Variants in STOX2 observed in about 807,000 individuals in gnomAD.
STOX2 encodes the protein storkhead-box protein 2.
Under a neutral mutation model 60.9 loss-of-function variants are expected in STOX2, and 28 were observed. That is an observed-to-expected ratio of 0.46 (90% CI 0.34 to 0.63). The LOEUF is 0.63. Among genes scored for constraint, STOX2 ranks in the 30% least tolerant of loss-of-function variants. The probability of loss-of-function intolerance (pLI) is 0.01; values close to 1 mark genes in which losing one functional copy is unlikely to be tolerated. For missense variants in STOX2, 1,024 were observed against 1,187.7 expected (o/e 0.86, Z 2.03); for synonymous variants, 472 against 463.9 (o/e 1.02, Z -0.22).
At chr4:183,875,037 G>A (rs974331369) in intron 1 of STOX2, among the ~76,000 whole-genome samples, 11 of 111,692 alleles carry the variant, frequency 9.8e-5, no homozygotes, top group Middle Eastern at 4.3e-3. Flanking sequence ...CATGTTGTGG[G>A]ATAGCTTTGG....
At chr4:183,907,071 G>A in intron 1 of STOX2, 115 bp downstream of exon 1, 1 of 909,368 alleles carries the variant, frequency 1.1e-6, no homozygotes, top group Non-Finnish European at 1.6e-6. Flanking sequence ...ATAAGTTATG[G>A]GGAAAGCAGG....
intron 1 of STOX2, among the ~76,000 whole-genome samples, chr4:183,968,418 A>G (rs1342339097): frequency 6.6e-6 from 1 of 152,070 alleles, no homozygotes; most frequent in Non-Finnish European, 1.5e-5. Flanking sequence ...TTGATCAAGT[A>G]AAGTTATCTT....
chr4:183,950,625 A>G (rs960454811), intron 1 of STOX2, among the ~76,000 whole-genome samples: 1 of 152,140 alleles, frequency 6.6e-6, no homozygotes, highest in Non-Finnish European at 1.5e-5. Context: ...CACTGTACCG[A>G]GGGGCTGGAA....
In STOX2 at chr4:184,009,951, G is replaced by A. The variant is rs775027379; in HGVS notation, c.1113G>A (p.Arg371=). Residue 371 remains arginine, a synonymous_variant, in exon 3 of 4, where the codon CGG becomes CGA. Coordinates refer to ENST00000308497, the MANE Select transcript of STOX2 (RefSeq NM_020225.3). The surrounding 1 kb of genome is among the most constrained non-coding windows in gnomAD (Gnocchi z 4.0). ...ATCGGAAGTCCCATGGAAAGTCTCG[G>A]TCTCACAGCAAGACACGGGTGTCTA... is the stretch of plus-strand genomic sequence containing the variant. ...RTHRKSHGKS[R]SHSKTRVSKG... 1 of 1,613,710 alleles carries A rather than the reference G, an allele frequency of 6.2e-7. No homozygotes were observed. Among genetic ancestry groups the A allele is most frequent in the African/African-American group, 1.3e-5 (1 of 75,032 alleles).
At chr4:183,971,979 T>TCA (rs1359853887) in intron 1 of STOX2, among the ~76,000 whole-genome samples, 1 of 152,176 alleles carries the variant, frequency 6.6e-6, no homozygotes, top group African/African-American at 2.4e-5. Context: ...ATCCAGTAGG[T>TCA]CACACTGGTG....
chr4:183,929,625 T>G (rs1290852192), intron 1 of STOX2, among the ~76,000 whole-genome samples: 1 of 152,092 alleles, frequency 6.6e-6, no homozygotes, highest in African/African-American at 2.4e-5. Context: ...TAAAACCAAA[T>G]GAACAAAGAG....
intron 1 of STOX2, among the ~76,000 whole-genome samples, chr4:183,845,724 T>G (rs2111135502): frequency 6.6e-6 from 1 of 152,358 alleles, no homozygotes; most frequent in Non-Finnish European, 1.5e-5. Context: ...AGATTTACAG[T>G]TCTCCTCTGC....
At chr4:183,810,712 A>G (rs2111100249) in intron 1 of STOX2, among the ~76,000 whole-genome samples, 1 of 151,838 alleles carries the variant, frequency 6.6e-6, no homozygotes, top group South Asian at 2.1e-4. Flanking sequence ...AATTGCCTGC[A>G]CCCTCACCCC....
intron 1 of STOX2, among the ~76,000 whole-genome samples, chr4:183,842,554 A>G (rs1739886366): frequency 6.6e-6 from 1 of 152,220 alleles, no homozygotes. Context: ...CTGTAATTTT[A>G]TATATTTAAT....
chr4:183,859,983 G>GTT (rs1740393565), intron 1 of STOX2, among the ~76,000 whole-genome samples: 1 of 152,056 alleles, frequency 6.6e-6, no homozygotes, highest in Non-Finnish European at 1.5e-5. Context: ...GTGTGTGTGT[G>GTT]TATGTATTTG....
chr4:183,922,849 GATTACCCCACCTC>G (rs1289408769), intron 1 of STOX2, among the ~76,000 whole-genome samples: 1 of 152,052 alleles, frequency 6.6e-6, no homozygotes, highest in East Asian at 1.9e-4. Flanking sequence ...CTGTGAAATT[GATTACCCCACCTC>G]ATCTAAGTAG....
At chr4:183,966,611 A>C in intron 1 of STOX2, among the ~76,000 whole-genome samples, 1 of 152,174 alleles carries the variant, frequency 6.6e-6, no homozygotes, top group Admixed American at 6.5e-5. Flanking sequence ...ATGAGACCAC[A>C]ATGCTGCAGA....
intron 1 of STOX2, among the ~76,000 whole-genome samples, chr4:183,875,129 G>A (rs768705553): frequency 1.5e-4 from 22 of 150,548 alleles, no homozygotes; most frequent in Non-Finnish European, 3.0e-4. Flanking sequence ...AGTGGCCCTG[G>A]GCTGCCTCTT....
intron 1 of STOX2, among the ~76,000 whole-genome samples, chr4:183,897,784 C>G (rs1415263953): frequency 6.6e-6 from 1 of 152,200 alleles, no homozygotes; most frequent in African/African-American, 2.4e-5. Flanking sequence ...TCAGCTGGCT[C>G]ATTGTCAGTG....
chr4:183,893,255 C>T (rs1206063759), intron 1 of STOX2, among the ~76,000 whole-genome samples: 2 of 152,134 alleles, frequency 1.3e-5, no homozygotes, highest in African/African-American at 4.8e-5. Flanking sequence ...CCCAGGTAAG[C>T]GGCAGTTCCC....
At chr4:183,840,417 A>T (rs1289137827) in intron 1 of STOX2, among the ~76,000 whole-genome samples, 1 of 152,220 alleles carries the variant, frequency 6.6e-6, no homozygotes, top group African/African-American at 2.4e-5. Context: ...GTGGTTGGCC[A>T]CCAGGGGGCA....
At chr4:184,008,430 G>T (rs1733975566) in intron 2 of STOX2, among the ~76,000 whole-genome samples, 1 of 152,214 alleles carries the variant, frequency 6.6e-6, no homozygotes, top group Non-Finnish European at 1.5e-5. Context: ...AAGACACAGA[G>T]TGTCAAAGCC....
rs1409142686 is a variant in STOX2, at chr4:183,836,271, CTG to C, written c.364+38217_364+38218del. Among the ~76,000 whole-genome samples, 1 of 152,150 alleles carries C rather than the reference CTG, an allele frequency of 6.6e-6. No homozygotes were observed. Reference sequence around the variant, plus strand: ...TGGCTTGTGGAGATTGCTTTATCCTCTGAGGTTGCACCGCAGATCCTCTTCTG... The same window carrying C: ...TGGCTTGTGGAGATTGCTTTATCCTCAGGTTGCACCGCAGATCCTCTTCTG... On this transcript the variant is annotated intron_variant, in intron 1 of 2. Coordinates refer to the STOX2 transcript ENST00000513034. This position sits in a 1 kb window ranked among gnomAD's most constrained non-coding sequence, Gnocchi z 4.1.
At chr4:183,971,386 T>C (rs777581963) in intron 1 of STOX2, among the ~76,000 whole-genome samples, 1 of 152,212 alleles carries the variant, frequency 6.6e-6, no homozygotes, top group Non-Finnish European at 1.5e-5. Context: ...ATGCTAATGA[T>C]CTGGTCTGTG....
Sources: gnomAD v4.1 joint callset for allele counts (sites outside exome capture counted in the v4.1 genomes callset) on GRCh38, gnomAD v4.1.1 for gene constraint, Gnocchi (gnomAD v3.1) non-coding constraint, MANE v1.5 for transcripts, NCBI Gene and HGNC (gene_info 2026-07-23, HGNC 2026-07-21) for gene names.